Variants in RAP1GAP2 observed in about 807,000 individuals in gnomAD.
RAP1GAP2 encodes RAP1 GTPase activating protein 2, also known as rap1 GTPase-activating protein 2.
RAP1GAP2 carries 27 observed loss-of-function variants against 95.0 expected under a neutral mutation model. That is an observed-to-expected ratio of 0.28 (90% CI 0.21 to 0.39). RAP1GAP2 has a LOEUF of 0.39. Among genes scored for constraint, RAP1GAP2 ranks in the 10% least tolerant of loss-of-function variants. The probability of loss-of-function intolerance (pLI) is 1.00; values close to 1 mark genes in which losing one functional copy is unlikely to be tolerated. For synonymous variants in RAP1GAP2, 373 were observed against 380.9 expected (o/e 0.98, Z 0.24); for missense variants, 771 against 970.0 (o/e 0.79, Z 2.72).
intron 2 of RAP1GAP2, among the ~76,000 whole-genome samples, chr17:2,894,123 G>GAAA (rs34619704): frequency 6.9e-6 from 1 of 144,496 alleles, no homozygotes. Context: ...TAAAAATACA[G>GAAA]AAAAAAAAAA....
chr17:3,029,127 T>C lies in RAP1GAP2; in HGVS notation c.2108-1795T>C, dbSNP rs984912063. Among the ~76,000 whole-genome samples the C allele has an allele frequency of 2.6e-5, 4 of 152,144 alleles. No individual in the cohort carries two copies. The highest frequency in any genetic ancestry group is 9.7e-5 in the African/African-American group (4 of 41,422). On this transcript the variant is annotated intron_variant, in intron 22 of 24. Transcript: ENST00000254695. This position sits in a 1 kb window ranked among gnomAD's most constrained non-coding sequence, Gnocchi z 4.4. ...GTTTTTGTTTTGTTTTGTTTTGTTTTCTAAATAAGACTTAAATATTGAAGG... is the reference window on the plus strand; with the variant it reads ...GTTTTTGTTTTGTTTTGTTTTGTTTCCTAAATAAGACTTAAATATTGAAGG...
chr17:2,842,154 A>G (rs890196614), intron 2 of RAP1GAP2, among the ~76,000 whole-genome samples: 3 of 152,214 alleles, frequency 2.0e-5, no homozygotes, highest in African/African-American at 7.2e-5. Flanking sequence ...CCAGCTGGTC[A>G]GGGCCCACGC....
intron 3 of RAP1GAP2, among the ~76,000 whole-genome samples, chr17:2,918,133 A>G (rs760045535): frequency 1.3e-5 from 2 of 151,958 alleles, no homozygotes; most frequent in Non-Finnish European, 2.9e-5. Context: ...AGATTGGATA[A>G]TTTATAAAGA....
At chr17:2,979,751 C>T (rs759916389) in intron 8 of RAP1GAP2, among the ~76,000 whole-genome samples, 10 of 152,066 alleles carry the variant, frequency 6.6e-5, no homozygotes, top group Non-Finnish European at 1.3e-4. Flanking sequence ...AGGCATGAGC[C>T]ACTGCCCCCA....
rs1455964482 is a variant in RAP1GAP2 at position 2,857,114 on chromosome 17, T to TC, written c.81-48169dup. Among the ~76,000 whole-genome samples, 1 of 152,200 alleles carries TC rather than the reference T, an allele frequency of 6.6e-6. No homozygotes were observed. Among genetic ancestry groups the TC allele is most frequent in the African/African-American group, 2.4e-5 (1 of 41,452 alleles). ...GATGAGCTCTTCCTTCCACCACCTCTCATCACAAGGTGGGGTCAGGCTCAG... is the reference window on the plus strand; with the variant it reads ...GATGAGCTCTTCCTTCCACCACCTCTCCATCACAAGGTGGGGTCAGGCTCAG... On this transcript the variant is annotated intron_variant, in intron 2 of 24. Transcript: ENST00000254695. The surrounding 1 kb of genome is among the most constrained non-coding windows in gnomAD (Gnocchi z 4.0).
At chr17:2,853,450 T>G (rs932614523) in intron 2 of RAP1GAP2, among the ~76,000 whole-genome samples, 50 of 149,824 alleles carry the variant, frequency 3.3e-4, no homozygotes, top group Admixed American at 7.9e-4. Flanking sequence ...GGCAGCCGCC[T>G]CTGCCTGGGG....
chr17:2,868,724 G>T (rs2072722120), intron 2 of RAP1GAP2, among the ~76,000 whole-genome samples: 1 of 151,984 alleles, frequency 6.6e-6, no homozygotes, highest in Admixed American at 6.6e-5. Context: ...TCACCATGTT[G>T]GCCAGGCTGG....
intron 18 of RAP1GAP2, among the ~76,000 whole-genome samples, chr17:3,019,637 C>T (rs568436851): frequency 2.5e-4 from 38 of 152,170 alleles, no homozygotes; most frequent in Non-Finnish European, 5.3e-4. Context: ...TAAATGGCCT[C>T]GCATAATTAA....
intron 1 of RAP1GAP2, among the ~76,000 whole-genome samples, chr17:2,767,910 A>G (rs2068308529): frequency 6.6e-6 from 1 of 151,834 alleles, no homozygotes; most frequent in South Asian, 2.1e-4. Flanking sequence ...TTTCTTTTGT[A>G]TTTTTAGCAA....
intron 3 of RAP1GAP2, among the ~76,000 whole-genome samples, chr17:2,909,503 T>C (rs545753071): frequency 6.6e-6 from 1 of 152,102 alleles, no homozygotes; most frequent in Non-Finnish European, 1.5e-5. Context: ...GAGGCAGGGG[T>C]GCTCAGGAAT....
intron 3 of RAP1GAP2, among the ~76,000 whole-genome samples, chr17:2,940,043 C>T (rs976440059): frequency 5.9e-5 from 9 of 152,242 alleles, no homozygotes. Flanking sequence ...GGGACCCAGG[C>T]CCTGGCGGGA....
intron 2 of RAP1GAP2, among the ~76,000 whole-genome samples, chr17:2,896,486 C>T (rs1486694747): frequency 1.3e-5 from 2 of 152,172 alleles, no homozygotes; most frequent in African/African-American, 4.8e-5. Context: ...GACTCTGTGA[C>T]CCCAGGCTCA....
intron 2 of RAP1GAP2, among the ~76,000 whole-genome samples, chr17:2,806,866 T>G (rs1680862102): frequency 6.6e-6 from 1 of 151,930 alleles, no homozygotes; most frequent in African/African-American, 2.4e-5. Context: ...GTATTTTTAG[T>G]ACAGACGGGG....
rs1260785923 is a variant in RAP1GAP2 at position 2,867,400 on chromosome 17, G to GTGCCTTCCTTTGGGT, written c.81-37876_81-37862dup. On this transcript the variant is annotated intron_variant, in intron 2 of 24. Transcript: ENST00000254695. The surrounding 1 kb of genome is among the most constrained non-coding windows in gnomAD (Gnocchi z 4.5). Reference sequence around the variant, plus strand: ...GGTTCTTTCACCCCGTCTCTAGGCTGTGCCTTCCTTTGGGTTGCCTTCGTC... The same window carrying GTGCCTTCCTTTGGGT: ...GGTTCTTTCACCCCGTCTCTAGGCTGTGCCTTCCTTTGGGTTGCCTTCCTTTGGGTTGCCTTCGTC... Among the ~76,000 whole-genome samples the GTGCCTTCCTTTGGGT allele has an allele frequency of 6.6e-6, 1 of 152,194 alleles. No homozygotes were observed. The highest frequency in any genetic ancestry group is 2.4e-5 in the African/African-American group (1 of 41,450).
At chr17:2,814,942 C>T (rs958307222) in intron 2 of RAP1GAP2, among the ~76,000 whole-genome samples, 2 of 152,102 alleles carry the variant, frequency 1.3e-5, no homozygotes, top group Admixed American at 6.5e-5. Context: ...TCTACGAGCT[C>T]GGGAACGGGA....
intron 17 of RAP1GAP2, among the ~76,000 whole-genome samples, chr17:3,014,017 G>T (rs2046664702): frequency 6.6e-6 from 1 of 152,174 alleles, no homozygotes; most frequent in Non-Finnish European, 1.5e-5. Flanking sequence ...CTCAACGACG[G>T]GAAATACGTC....
At chr17:2,999,437 C>T (rs1252651972) in intron 14 of RAP1GAP2, among the ~76,000 whole-genome samples, 9 of 152,290 alleles carry the variant, frequency 5.9e-5, no homozygotes, top group African/African-American at 9.6e-5. Context: ...ATTCTCAAAG[C>T]GCTCCCTGCT....
At chr17:3,018,275 C>A in intron 18 of RAP1GAP2, 77 bp downstream of exon 18, 1 of 1,485,182 alleles carries the variant, frequency 6.7e-7, no homozygotes. Context: ...AAGAGTGCCC[C>A]CACCCAGGCT....
chr17:2,992,793 A>G (rs1177703220), intron 12 of RAP1GAP2, among the ~76,000 whole-genome samples: 1 of 151,756 alleles, frequency 6.6e-6, no homozygotes, highest in East Asian at 1.9e-4. Flanking sequence ...CCCTCCCTCA[A>G]GGTCATCACG....
Sources: allele counts gnomAD v4.1 joint callset (sites outside exome capture counted in the v4.1 genomes callset), GRCh38; gene constraint gnomAD v4.1.1; non-coding constraint Gnocchi (gnomAD v3.1); transcripts MANE v1.5; gene names NCBI Gene and HGNC (gene_info 2026-07-23, HGNC 2026-07-21).